Variants in NEDD4 observed in about 807,000 individuals in gnomAD.
The protein encoded by NEDD4 is NEDD4 E3 ubiquitin protein ligase.
In NEDD4, 99 loss-of-function variants were observed where a neutral mutation model predicts 144.9. The observed-to-expected ratio is 0.68, with a 90% CI of 0.58 to 0.81. NEDD4 has a LOEUF of 0.81. Ranked by LOEUF, NEDD4 falls within the 30% of genes least tolerant of loss-of-function variation. The probability of loss-of-function intolerance (pLI) is 0.00; values close to 1 mark genes in which losing one functional copy is unlikely to be tolerated. For synonymous variants in NEDD4, 318 were observed against 350.6 expected (o/e 0.91, Z 1.04); for missense variants, 985 against 1,065.9 (o/e 0.92, Z 1.06).
chr15:55,965,594 A>C (rs1476175642), intron 2 of NEDD4, among the ~76,000 whole-genome samples: 2 of 152,228 alleles, frequency 1.3e-5, no homozygotes, highest in Non-Finnish European at 2.9e-5. Flanking sequence ...TCAGAGATTC[A>C]GTAAATCAAC....
At chr15:55,905,636 T>C (rs1000085173) in intron 5 of NEDD4, among the ~76,000 whole-genome samples, 2 of 152,222 alleles carry the variant, frequency 1.3e-5, no homozygotes, top group African/African-American at 4.8e-5. Flanking sequence ...TAAAAACAAG[T>C]AGGACGTTAG....
intron 1 of NEDD4, among the ~76,000 whole-genome samples, chr15:55,983,906 C>T (rs1418982584): frequency 1.3e-5 from 2 of 152,142 alleles, no homozygotes; most frequent in Non-Finnish European, 2.9e-5. Flanking sequence ...CCACTGCGCC[C>T]AGCCTGTTAT....
rs114348879 is a variant in NEDD4, at chr15:55,836,032, A to G, written c.2263-1746T>C. Among the ~76,000 whole-genome samples, 500 of 151,990 alleles carry G rather than the reference A, an allele frequency of 3.3e-3. 3 individuals carry two copies. The highest frequency in any genetic ancestry group is 0.011 in the African/African-American group (436 of 41,454). On this transcript the variant is annotated intron_variant, in intron 24 of 28. Coordinates refer to ENST00000435532, the MANE Select transcript of NEDD4 (RefSeq NM_006154.4). Reference sequence around the variant, plus strand: ...CCTCTTGCATTCTCTCACCCAGCATACTCAACTGCCTGTGGGTACAGCCTA... The same window carrying G: ...CCTCTTGCATTCTCTCACCCAGCATGCTCAACTGCCTGTGGGTACAGCCTA...
intron 4 of NEDD4, among the ~76,000 whole-genome samples, chr15:55,950,832 T>C (rs569652135): frequency 1.3e-5 from 2 of 152,286 alleles, no homozygotes; most frequent in South Asian, 4.2e-4. Flanking sequence ...AATGCATCTC[T>C]ACCACTGCTC....
In NEDD4 at chr15:55,856,153, TCAAA is replaced by T; in HGVS notation, c.1000_1003del (p.Phe334ArgfsTer33). 1 of 1,613,252 alleles carries T rather than the reference TCAAA, an allele frequency of 6.2e-7. No individual in the cohort carries two copies. Among genetic ancestry groups the T allele is most frequent in the Non-Finnish European group, 8.5e-7 (1 of 1,179,678 alleles). Reference sequence around the variant, plus strand: ...CACCACAGGAAGTGTAGGTTGTTCCTCAAAAGTATAGGCTTGTAAGCTGCCTCTT... The same window carrying T: ...CACCACAGGAAGTGTAGGTTGTTCCTAGTATAGGCTTGTAAGCTGCCTCTT... On this transcript the variant is annotated frameshift_variant, in exon 12 of 29. Coordinates refer to ENST00000435532, the MANE Select transcript of NEDD4 (RefSeq NM_006154.4). LOFTEE classifies it high-confidence loss of function.
At chr15:55,847,087 G>A in intron 17 of NEDD4, 53 bp from the exon 18 acceptor site, 1 of 1,212,966 alleles carries the variant, frequency 8.2e-7, no homozygotes, top group South Asian at 1.4e-5. Context: ...TTTTATTCTG[G>A]AACAATTTTT....
rs148275263 is a variant in NEDD4 at position 55,951,530 on chromosome 15, T to C, written c.179A>G (p.Gln60Arg). Reference protein sequence around the residue: ...DPMNGVLTSVQTKTIKKSLNP... With the variant: ...DPMNGVLTSVRTKTIKKSLNP... Reference sequence around the variant, plus strand: ...TCTAACCTTTTTAATGGTTTTTGTTTGCACACTTGTAAGAACTCCATTCAT... The same window carrying C: ...TCTAACCTTTTTAATGGTTTTTGTTCGCACACTTGTAAGAACTCCATTCAT... Residue 60 changes from glutamine to arginine, a missense_variant, in exon 3 of 29, where the codon CAA becomes CGA. Transcript: ENST00000435532. 790 of 1,533,482 alleles carry C rather than the reference T, an allele frequency of 5.2e-4. 4 individuals carry two copies. The East Asian group carries it at 0.015, about 29-fold the overall frequency. 95.0% of individuals were successfully genotyped at this position (1,533,482 alleles called of 1,614,324 possible). A position where few individuals can be genotyped will look rare whatever the true frequency, so the allele number is the denominator to read the frequency against.
chr15:55,929,641 C>T (rs1375780151), intron 4 of NEDD4, among the ~76,000 whole-genome samples: 1 of 152,064 alleles, frequency 6.6e-6, no homozygotes, highest in Non-Finnish European at 1.5e-5. Context: ...TAAATGGTAA[C>T]TAAAATTGTA....
At chr15:55,843,365 G>A (rs2033602607) in intron 18 of NEDD4, among the ~76,000 whole-genome samples, 1 of 152,190 alleles carries the variant, frequency 6.6e-6, no homozygotes, top group Admixed American at 6.5e-5. Context: ...TGAAGAAGAC[G>A]ACTTAAGAAA....
At chr15:55,871,209 A>G (rs577878182) in intron 7 of NEDD4, among the ~76,000 whole-genome samples, 13 of 152,330 alleles carry the variant, frequency 8.5e-5, no homozygotes, top group Admixed American at 8.5e-4. Context: ...GTGGCTATAA[A>G]AGATGGATAC....
intron 28 of NEDD4, 101 bp from the exon 29 acceptor site, chr15:55,830,100 C>T (rs1423109492): frequency 3.0e-5 from 24 of 802,694 alleles, no homozygotes; most frequent in Non-Finnish European, 4.8e-5. Flanking sequence ...AATGTTCCAA[C>T]ACCACCAAAA....
chr15:55,948,753 G>A (rs555670711), intron 4 of NEDD4, among the ~76,000 whole-genome samples: 2 of 152,320 alleles, frequency 1.3e-5, no homozygotes, highest in African/African-American at 4.8e-5. Flanking sequence ...CGAGCCATAT[G>A]TAGAAAGCTG....
chr15:55,940,242 G>T (rs2036972097), intron 4 of NEDD4, among the ~76,000 whole-genome samples: 1 of 149,726 alleles, frequency 6.7e-6, no homozygotes, highest in African/African-American at 2.6e-5. Flanking sequence ...CATATCAAGT[G>T]TTCTTACCAC....
chr15:55,855,983 C>G lies in NEDD4; in HGVS notation c.1026+148G>C. On this transcript the variant is annotated intron_variant, in intron 12 of 28. Coordinates refer to ENST00000435532, the MANE Select transcript of NEDD4 (RefSeq NM_006154.4). ...GGTTCTCCATGTTTTGTCTTTAAGC[C>G]CCTTCCCTGAACATCACCACCTGGA... The G allele has an allele frequency of 6.3e-6, 4 of 634,764 alleles. No individual in the cohort carries two copies. In the South Asian group the frequency reaches 7.0e-5, roughly 11 times the overall value. 39.3% of individuals were successfully genotyped at this position (634,764 alleles called of 1,614,324 possible).
rs1356594238 is a variant in NEDD4, at chr15:55,900,596, A to G, written c.291+24050T>C. Among the ~76,000 whole-genome samples, 6 of 152,190 alleles carry G rather than the reference A, an allele frequency of 3.9e-5. No homozygotes were observed. In the East Asian group the frequency reaches 1.2e-3, roughly 29 times the overall value. On this transcript the variant is annotated intron_variant, in intron 5 of 28. Coordinates refer to ENST00000435532, the MANE Select transcript of NEDD4 (RefSeq NM_006154.4). ...AGGTTAAAAAATATCCTAAGAGCCA[A>G]ATACATAATTACTTTCAGTAAAGGG...
Position 55,871,559 on chromosome 15 carries a change from G to C in NEDD4, c.404+856C>G, listed in dbSNP as rs537864091. ...AGTCTAAAATTAAAAGACTAAAAGAGATTTACATTCCAGACATCTACAGAA... is the reference window on the plus strand; with the variant it reads ...AGTCTAAAATTAAAAGACTAAAAGACATTTACATTCCAGACATCTACAGAA... On this transcript the variant is annotated intron_variant, in intron 7 of 28. Transcript: ENST00000435532. Among the ~76,000 whole-genome samples, 4 of 152,226 alleles carry C rather than the reference G, an allele frequency of 2.6e-5. No homozygotes were observed. The South Asian group carries it at 8.3e-4, about 32-fold the overall frequency.
chr15:55,834,415 T>G (rs1161678387), intron 24 of NEDD4, 129 bp from the exon 25 acceptor site: 1 of 624,480 alleles, frequency 1.6e-6, no homozygotes, highest in Non-Finnish European at 2.8e-6. Context: ...TCACGGGCTC[T>G]TCACTGAGAT....
intron 11 of NEDD4, among the ~76,000 whole-genome samples, chr15:55,857,848 G>C (rs2034256727): frequency 6.6e-6 from 1 of 152,112 alleles, no homozygotes; most frequent in Non-Finnish European, 1.5e-5. Context: ...GCTGAGGTGG[G>C]AGAATCCCTT....
chr15:55,939,606 T>C (rs1203615744), intron 4 of NEDD4, among the ~76,000 whole-genome samples: 1 of 152,134 alleles, frequency 6.6e-6, no homozygotes, highest in African/African-American at 2.4e-5. Context: ...AAAAAGGTGC[T>C]CAAAAATCAC....
Sources: allele counts gnomAD v4.1 joint callset (sites outside exome capture counted in the v4.1 genomes callset), GRCh38; gene constraint gnomAD v4.1.1; transcripts MANE v1.5; gene names NCBI Gene and HGNC (gene_info 2026-07-23, HGNC 2026-07-21).